Variants in PLCG2 observed in about 807,000 individuals in gnomAD.
PLCG2 encodes 1-phosphatidylinositol 4,5-bisphosphate phosphodiesterase gamma-2.
PLCG2 carries 69 observed loss-of-function variants against 175.6 expected under a neutral mutation model. That is an observed-to-expected ratio of 0.39 (90% CI 0.32 to 0.48). The LOEUF is 0.48. PLCG2 is among the 20% of genes least tolerant of loss of function. The pLI, the probability that PLCG2 is intolerant of heterozygous loss-of-function variation, is 0.91. For synonymous variants in PLCG2, 827 were observed against 624.0 expected, an observed-to-expected ratio of 1.33 and a Z score of -4.85; for missense variants, 1,798 against 1,650.9, an observed-to-expected ratio of 1.09 and a Z score of -1.54.
intron 1 of PLCG2, among the ~76,000 whole-genome samples, chr16:81,742,551 C>G (rs1909618614): frequency 6.6e-6 from 1 of 152,222 alleles, no homozygotes. Flanking sequence ...GTCCCATGCA[C>G]TACCCCTGAG....
chr16:81,741,203 C>G (rs1909586805), intron 1 of PLCG2, among the ~76,000 whole-genome samples: 2 of 152,024 alleles, frequency 1.3e-5, no homozygotes, highest in South Asian at 2.1e-4. Context: ...TAAGAGGAAA[C>G]AAACAAACTT....
chr16:81,768,908 G>A (rs115145798), intron 2 of PLCG2, among the ~76,000 whole-genome samples: 2,541 of 152,142 alleles, frequency 0.017, 69 homozygotes, highest in African/African-American at 0.058. Context: ...TAATAGGTGC[G>A]TATTTTTTGT....
rs552125360 is a variant in PLCG2 at position 81,847,543 on chromosome 16, A to T, written c.194-6901A>T. 6.4e-3 allele frequency among the ~76,000 whole-genome samples: 973 copies of T among 152,216 alleles called. 5 individuals are homozygous for T. Among genetic ancestry groups the T allele is most frequent in the Middle Eastern group, 0.014 (4 of 294 alleles). On this transcript the variant is annotated intron_variant, in intron 2 of 32. Coordinates refer to ENST00000564138, the MANE Select transcript of PLCG2 (RefSeq NM_002661.5). The stretch of plus-strand genomic sequence containing the variant: ...CCAGCCCTACAAAAAGATACTTATC[A>T]CTGCAGATTCCAAGGGTGTTAGGGG...
chr16:81,851,428 T>C (rs1218167144), intron 2 of PLCG2, among the ~76,000 whole-genome samples: 1 of 152,236 alleles, frequency 6.6e-6, no homozygotes, highest in African/African-American at 2.4e-5. Flanking sequence ...TCTTGTCACG[T>C]GTAGGTGGGT....
At chr16:81,920,714 G>C (rs1910024465) in intron 20 of PLCG2, among the ~76,000 whole-genome samples, 1 of 151,140 alleles carries the variant, frequency 6.6e-6, no homozygotes, top group Admixed American at 6.6e-5. Flanking sequence ...GATCTTGTCA[G>C]TGGTGTGCTA....
intron 2 of PLCG2, among the ~76,000 whole-genome samples, chr16:81,796,881 G>A (rs949240848): frequency 2.6e-5 from 4 of 152,144 alleles, no homozygotes; most frequent in Non-Finnish European, 2.9e-5. Context: ...CCAATTTTTG[G>A]TATTTCATGA....
At chr16:81,778,045 A>AACAAACAAAACAAC (rs746647458), upstream of PLCG2, among the ~76,000 whole-genome samples, 1 of 77,906 alleles carries the variant, frequency 1.3e-5, no homozygotes, top group Non-Finnish European at 2.5e-5. Flanking sequence ...AAAAAAAACA[A>AACAAACAAAACAAC]AAAAAAAAAC....
intron 14 of PLCG2, among the ~76,000 whole-genome samples, chr16:81,901,715 G>A (rs150312333): frequency 1.1e-3 from 174 of 152,266 alleles, no homozygotes; most frequent in African/African-American, 4.0e-3. Context: ...TTCATATCCC[G>A]TTTACAGTTA....
In PLCG2 at chr16:81,961,703, G is replaced by C. The variant is rs1395058000; in HGVS notation, c.*3705G>C. 2 of 208,740 alleles carry C rather than the reference G, an allele frequency of 9.6e-6. No individual in the cohort carries two copies. Among genetic ancestry groups the C allele is most frequent in the South Asian group, 1.9e-4 (1 of 5,324 alleles). The allele number at this position is 208,740 out of a possible 1,614,324, so 12.9% of individuals were successfully genotyped here. On this transcript the variant is annotated 3_prime_UTR_variant, in exon 33 of 33. Transcript: ENST00000564138. The stretch of plus-strand genomic sequence containing the variant: ...GCCCTGTTCATAAAATTTTTAAAAA[G>C]ATCATAGTATCTATCAAATAACTTA...
chr16:81,747,157 A>G (rs1163418389), intron 1 of PLCG2, among the ~76,000 whole-genome samples: 1 of 152,212 alleles, frequency 6.6e-6, no homozygotes, highest in Non-Finnish European at 1.5e-5. Context: ...TTACAAAGGC[A>G]TATATGTGCA....
chr16:81,875,567 C>T (rs60451152), intron 7 of PLCG2, among the ~76,000 whole-genome samples: 1 of 152,132 alleles, frequency 6.6e-6, no homozygotes, highest in Non-Finnish European at 1.5e-5. Flanking sequence ...CAGCCATTAT[C>T]ACCTTGTCAC....
At chr16:81,807,039 C>T (rs1426214879) in intron 2 of PLCG2, among the ~76,000 whole-genome samples, 2 of 152,178 alleles carry the variant, frequency 1.3e-5, no homozygotes, top group Non-Finnish European at 2.9e-5. Context: ...GGTTGGCTTT[C>T]TCCTGAGTCG....
chr16:81,899,557 C>T (rs1293896975), intron 13 of PLCG2, among the ~76,000 whole-genome samples: 2 of 152,156 alleles, frequency 1.3e-5, no homozygotes, highest in Non-Finnish European at 1.5e-5. Flanking sequence ...AGCAAAGCAG[C>T]GCTCCCCTTC....
chr16:81,868,889 G>A (rs1174299869), intron 5 of PLCG2, among the ~76,000 whole-genome samples: 5 of 152,068 alleles, frequency 3.3e-5, no homozygotes, highest in South Asian at 2.1e-4. Context: ...CCTCATTGGG[G>A]CATCACTGTA....
intron 2 of PLCG2, among the ~76,000 whole-genome samples, chr16:81,814,647 A>G (rs766844207): frequency 6.6e-6 from 1 of 151,998 alleles, no homozygotes; most frequent in Non-Finnish European, 1.5e-5. Context: ...GTGAACCAAG[A>G]TCATGCCACT....
At chr16:81,796,350 G>C (rs149394028) in intron 2 of PLCG2, among the ~76,000 whole-genome samples, 1 of 152,362 alleles carries the variant, frequency 6.6e-6, no homozygotes, top group East Asian at 1.9e-4. Flanking sequence ...CCCTGAGAGA[G>C]AGGCCTCCTA....
chr16:81,949,969 G>C (rs1911301740), intron 31 of PLCG2, among the ~76,000 whole-genome samples: 1 of 152,164 alleles, frequency 6.6e-6, no homozygotes, highest in Non-Finnish European at 1.5e-5. Context: ...ATTTTAGTTA[G>C]CATTGTTAGA....
At chr16:81,876,986 G>C (rs1040740676) in intron 7 of PLCG2, among the ~76,000 whole-genome samples, 6 of 152,188 alleles carry the variant, frequency 3.9e-5, no homozygotes, top group African/African-American at 1.4e-4. Flanking sequence ...GACTTGTTAG[G>C]AGAAAAGTCC....
intron 2 of PLCG2, among the ~76,000 whole-genome samples, chr16:81,803,095 A>T (rs1370775774): frequency 6.8e-6 from 1 of 146,834 alleles, no homozygotes; most frequent in African/African-American, 2.5e-5. Context: ...CTCACAATAC[A>T]TGGCTTTTTG....
Sources: gnomAD v4.1 joint callset for allele counts (sites outside exome capture counted in the v4.1 genomes callset) on GRCh38, gnomAD v4.1.1 for gene constraint, MANE v1.5 for transcripts, NCBI Gene and HGNC (gene_info 2026-07-23, HGNC 2026-07-21) for gene names.